The following KIAA1217 variants were observed in gnomAD, a reference collection of about 807,000 sequenced individuals.
KIAA1217 encodes the protein KIAA1217.
In KIAA1217, 88 loss-of-function variants were observed where a neutral mutation model predicts 163.9. That is an observed-to-expected ratio of 0.54 (90% confidence interval 0.45 to 0.64). KIAA1217 has a LOEUF of 0.64. KIAA1217 is among the 30% of genes least tolerant of loss of function. KIAA1217 has a pLI of 0.00. For missense variants in KIAA1217, 2,372 were observed against 2,475.0 expected (o/e 0.96, Z 0.88); for synonymous variants, 903 against 923.1 (o/e 0.98, Z 0.39).
Position 24,112,776 on chromosome 10 carries a change from C to T in KIAA1217, c.-171+105402C>T, listed in dbSNP as rs563188505. Among the ~76,000 whole-genome samples the T allele has an allele frequency of 5.3e-5, 8 of 151,570 alleles. No individual in the cohort carries two copies. In the East Asian group the frequency reaches 7.8e-4, roughly 15 times the overall value. On this transcript the variant is annotated intron_variant, in intron 2 of 18. Coordinates refer to the KIAA1217 transcript ENST00000376462. ...ATTTTTTTTGTTTTTTTAGTAGAGACGGGGTTTCACCGTGTTAGCCAGGAC... is the reference window on the plus strand; with the variant it reads ...ATTTTTTTTGTTTTTTTAGTAGAGATGGGGTTTCACCGTGTTAGCCAGGAC...
At chr10:23,842,914 A>C (rs1838855166) in intron 1 of KIAA1217, among the ~76,000 whole-genome samples, 1 of 152,174 alleles carries the variant, frequency 6.6e-6, no homozygotes, top group Non-Finnish European at 1.5e-5. Flanking sequence ...GTTGTAGGCA[A>C]TCAGAAAATT....
chr10:24,283,022 G>A (rs1014380932), intron 2 of KIAA1217, among the ~76,000 whole-genome samples: 3 of 151,328 alleles, frequency 2.0e-5, no homozygotes, highest in South Asian at 2.1e-4. Flanking sequence ...TAGTAGAGAC[G>A]GGGTTTCTCC....
chr10:24,370,104 A>G (rs2051371453), intron 2 of KIAA1217, among the ~76,000 whole-genome samples: 1 of 152,000 alleles, frequency 6.6e-6, no homozygotes, highest in Non-Finnish European at 1.5e-5. Context: ...TCTCTACTAC[A>G]AATATAAAAA....
chr10:24,521,637 C>T, intron 11 of KIAA1217, 145 bp from the exon 12 acceptor site: 1 of 918,226 alleles, frequency 1.1e-6, no homozygotes, highest in East Asian at 2.4e-5. Context: ...CTCCTCTGTG[C>T]TCTTAACCCA....
intron 1 of KIAA1217, among the ~76,000 whole-genome samples, chr10:23,825,257 C>T (rs1837845565): frequency 6.6e-6 from 1 of 152,060 alleles, no homozygotes; most frequent in African/African-American, 2.4e-5. Context: ...AAGTGTAATC[C>T]TATGCTTTTT....
intron 4 of KIAA1217, among the ~76,000 whole-genome samples, chr10:24,436,757 C>CAAAAA (rs10560676): frequency 5.6e-5 from 4 of 70,870 alleles, no homozygotes; most frequent in Admixed American, 2.2e-4. Context: ...GACTCCGTCT[C>CAAAAA]AAAAAAAAAA....
At chr10:23,697,780 G>A (rs1041400100) in intron 1 of KIAA1217, among the ~76,000 whole-genome samples, 3 of 151,990 alleles carry the variant, frequency 2.0e-5, no homozygotes, top group Non-Finnish European at 2.9e-5. Flanking sequence ...GGCAAGCTGA[G>A]GTGGGAAGAT....
intron 4 of KIAA1217, among the ~76,000 whole-genome samples, chr10:24,437,527 A>T (rs2060142573): frequency 6.6e-6 from 1 of 152,158 alleles, no homozygotes; most frequent in African/African-American, 2.4e-5. Flanking sequence ...CCCAGCCGGC[A>T]TTGGAAGGGA....
At chr10:24,235,323 A>G (rs1225478033) in intron 2 of KIAA1217, among the ~76,000 whole-genome samples, 1 of 152,248 alleles carries the variant, frequency 6.6e-6, no homozygotes, top group African/African-American at 2.4e-5. Flanking sequence ...ACAGAATGTG[A>G]ATGGATAATT....
At chr10:23,887,256 A>T (rs1841219932) in intron 1 of KIAA1217, among the ~76,000 whole-genome samples, 1 of 151,918 alleles carries the variant, frequency 6.6e-6, no homozygotes, top group Non-Finnish European at 1.5e-5. Context: ...AGCATTATAT[A>T]AGTGTTTTAT....
chr10:24,275,034 C>T (rs969212719), intron 2 of KIAA1217, among the ~76,000 whole-genome samples: 6 of 152,162 alleles, frequency 3.9e-5, no homozygotes, highest in Admixed American at 3.3e-4. Context: ...AACTCCTGGG[C>T]TCAAGTGATC....
chr10:23,697,744 A>T (rs951460152), intron 1 of KIAA1217, among the ~76,000 whole-genome samples: 1 of 151,350 alleles, frequency 6.6e-6, no homozygotes, highest in Non-Finnish European at 1.5e-5. Context: ...TGGCATGGTG[A>T]TGTGCACCTG....
intron 5 of KIAA1217, among the ~76,000 whole-genome samples, chr10:24,441,835 G>A (rs2060521554): frequency 6.6e-6 from 1 of 152,132 alleles, no homozygotes; most frequent in Admixed American, 6.5e-5. Flanking sequence ...TGTACAACTT[G>A]AAGATGGAAC....
At position 24,543,575 on chromosome 10, in the gene KIAA1217, C is replaced by G; in HGVS notation, c.4305C>G (p.Val1435=). 6.2e-7 allele frequency: 1 copy of G among 1,614,092 alleles called. No individual in the cohort carries two copies. Among genetic ancestry groups the G allele is most frequent in the Non-Finnish European group, 8.5e-7 (1 of 1,180,018 alleles). Residue 1435 remains valine (V), a synonymous_variant, in exon 19 of 21, where the codon GTC becomes GTG. Coordinates refer to ENST00000376454, the MANE Select transcript of KIAA1217 (RefSeq NM_019590.5). ...RQEGTDNEDP[V]VCLDKKPVII... The stretch of plus-strand genomic sequence containing the variant: ...AAGGGACTGACAATGAGGATCCAGT[C>G]GTGTGCCTGGACAAGAAACCAGTGA...
At chr10:24,184,030 C>A (rs750823391) in intron 2 of KIAA1217, among the ~76,000 whole-genome samples, 1 of 152,230 alleles carries the variant, frequency 6.6e-6, no homozygotes, top group African/African-American at 2.4e-5. Flanking sequence ...TTCTGAGTGA[C>A]ACTCACACTT....
chr10:24,106,352 G>A (rs1384883070), intron 2 of KIAA1217, among the ~76,000 whole-genome samples: 1 of 151,990 alleles, frequency 6.6e-6, no homozygotes, highest in Non-Finnish European at 1.5e-5. Context: ...TTTAAAAAGA[G>A]AGGGTAAGAA....
intron 3 of KIAA1217, among the ~76,000 whole-genome samples, chr10:24,422,035 T>C (rs2058771997): frequency 6.6e-6 from 1 of 152,176 alleles, no homozygotes; most frequent in South Asian, 2.1e-4. Flanking sequence ...CTCATAATCA[T>C]GGCAGAAGGC....
intron 1 of KIAA1217, among the ~76,000 whole-genome samples, chr10:23,697,676 C>T (rs962773999): frequency 6.6e-6 from 1 of 150,566 alleles, no homozygotes; most frequent in African/African-American, 2.5e-5. Context: ...TTAAGACCAG[C>T]TTAGGCAACA....
chr10:24,217,869 T>G (rs1564844452), intron 1 of KIAA1217, among the ~76,000 whole-genome samples: 1 of 152,204 alleles, frequency 6.6e-6, no homozygotes, highest in Non-Finnish European at 1.5e-5. Flanking sequence ...TTTAAAAGAT[T>G]TAGAGGTAGA....
Sources: allele counts gnomAD v4.1 joint callset (sites outside exome capture counted in the v4.1 genomes callset), GRCh38; gene constraint gnomAD v4.1.1; transcripts MANE v1.5; gene names NCBI Gene and HGNC (gene_info 2026-07-23, HGNC 2026-07-21).